The following SGSM2 variants were observed in gnomAD, a reference collection of about 807,000 sequenced individuals.
SGSM2 encodes the protein RUN and TBC1 domain containing 1.
SGSM2 carries 89 observed loss-of-function variants against 126.6 expected under a neutral mutation model. The ratio of observed to expected loss-of-function variants is 0.70; its 90% CI spans 0.59 to 0.84. SGSM2 has a LOEUF of 0.84. Among genes scored for constraint, SGSM2 ranks in the 40% least tolerant of loss-of-function variants. The pLI is 0.00. For missense variants in SGSM2, 1,404 were observed against 1,416.6 expected, an observed-to-expected ratio of 0.99 and a Z score of 0.14; for synonymous variants, 614 against 574.3, an observed-to-expected ratio of 1.07 and a Z score of -0.99.
intron 17 of SGSM2, 186 bp from the exon 18 acceptor site, chr17:2,375,306 G>T (rs892724297): frequency 1.3e-5 from 9 of 667,434 alleles, no homozygotes; most frequent in Non-Finnish European, 2.2e-5. Flanking sequence ...CCAGAGGCTT[G>T]TTTCTCTCCG....
At position 2,373,390 on chromosome 17, in the gene SGSM2, G is replaced by A. The variant is rs774189062; in HGVS notation, c.1977G>A (p.Glu659=). The A allele has an allele frequency of 2.0e-5, 33 of 1,612,874 alleles. 1 individual carries two copies. In the Admixed American group the frequency reaches 2.2e-4, roughly 11 times the overall value. The change falls in exon 17 of 24, where the codon GAG becomes GAA. Residue 659 remains glutamate, a synonymous_variant. Coordinates refer to ENST00000268989, the MANE Select transcript of SGSM2 (RefSeq NM_014853.3). ...QQVLAEWKAC[E]VVVRQREREA... ...TGTTGGCAGAGTGGAAGGCCTGCGA[G>A]GTGGTGGTGAGGCAGCGGGAGCGGG...
intron 2 of SGSM2, among the ~76,000 whole-genome samples, chr17:2,360,130 G>T (rs1257077818): frequency 1.3e-5 from 2 of 152,154 alleles, no homozygotes; most frequent in African/African-American, 2.4e-5. Flanking sequence ...ATCACTTGAG[G>T]TCAGGAGTTC....
intron 9 of SGSM2, 28 bp downstream of exon 9, chr17:2,364,691 T>G (rs1054333107): frequency 1.2e-6 from 2 of 1,613,394 alleles, no homozygotes; most frequent in Middle Eastern, 1.6e-4. Flanking sequence ...TCGGCTCGGG[T>G]GGGAAGGGAG....
chr17:2,379,724 A>T lies in SGSM2; in HGVS notation c.*204A>T. Reference sequence around the variant, plus strand: ...AGGATGCCCTCGGATCAGGGCCGGGATGGGAGGGGTCAGCCTCAGGGAGCA... The same window carrying T: ...AGGATGCCCTCGGATCAGGGCCGGGTTGGGAGGGGTCAGCCTCAGGGAGCA... On this transcript the variant is annotated 3_prime_UTR_variant, in exon 24 of 24. Transcript: ENST00000268989. 7.1e-7 allele frequency: 1 copy of T among 1,409,116 alleles called. No individual in the cohort carries two copies. The highest frequency in any genetic ancestry group is 9.3e-7 in the Non-Finnish European group (1 of 1,080,856). The allele number at this position is 1,409,116 out of a possible 1,614,324, so 87.3% of individuals were successfully genotyped here. A position where few individuals can be genotyped will look rare whatever the true frequency, so the allele number is the denominator to read the frequency against.
At chr17:2,340,775 G>A (rs370975336) in intron 1 of SGSM2, among the ~76,000 whole-genome samples, 99 of 151,752 alleles carry the variant, frequency 6.5e-4, no homozygotes, top group East Asian at 3.1e-3. Flanking sequence ...TAGTAGAGAC[G>A]GGGTTTCACC....
intron 1 of SGSM2, among the ~76,000 whole-genome samples, chr17:2,340,589 CTT>C (rs1394935973): frequency 5.6e-5 from 8 of 141,806 alleles, no homozygotes; most frequent in Non-Finnish European, 4.7e-5. Context: ...TGTTTGATTT[CTT>C]TTTTTTTTTT....
Position 2,372,746 on chromosome 17 carries a change from G to T in SGSM2, c.1789-207G>T. On this transcript the variant is annotated intron_variant, in intron 15 of 23. Coordinates refer to ENST00000268989, the MANE Select transcript of SGSM2 (RefSeq NM_014853.3). The surrounding 1 kb of genome is among the most constrained non-coding windows in gnomAD (Gnocchi z 6.0). Reference sequence around the variant, plus strand: ...TGCCTCTCTCCGGGCGCCATTTCCTGCCCCTTAAGGAAGGAGAGCAGAACG... The same window carrying T: ...TGCCTCTCTCCGGGCGCCATTTCCTTCCCCTTAAGGAAGGAGAGCAGAACG... 1.2e-6 allele frequency: 1 copy of T among 829,456 alleles called. No homozygotes were observed. The highest frequency in any genetic ancestry group is 1.8e-6 in the Non-Finnish European group (1 of 540,902). The allele number at this position is 829,456 out of a possible 1,614,324, so 51.4% of individuals were successfully genotyped here.
At position 2,379,482 on chromosome 17, in the gene SGSM2, C is replaced by G; in HGVS notation, c.3118C>G (p.Leu1040Val). The change falls in exon 24 of 24, where the codon CTC becomes GTC. Residue 1040 changes from leucine (L) to valine (V), a missense_variant. Coordinates refer to ENST00000268989, the MANE Select transcript of SGSM2 (RefSeq NM_014853.3). The stretch of plus-strand genomic sequence containing the variant: ...GGAGATCCTGCGGATTGCCCGGGAC[C>G]TCGTCCACAAGGTGCAGATGCTCAT... ...AQEILRIARD[L>V]VHKVQMLIEN... 1.2e-6 allele frequency: 2 copies of G among 1,613,696 alleles called. No individual in the cohort carries two copies. Among genetic ancestry groups the G allele is most frequent in the Non-Finnish European group, 1.7e-6 (2 of 1,179,794 alleles).
chr17:2,371,036 C>T (rs559727951), intron 12 of SGSM2, among the ~76,000 whole-genome samples: 5 of 152,326 alleles, frequency 3.3e-5, no homozygotes, highest in East Asian at 3.9e-4. Context: ...TGCAGAAGGA[C>T]GCCTTGCGCC....
chr17:2,375,940 G>A (rs943704727), intron 18 of SGSM2, 65 bp downstream of exon 18: 16 of 1,511,600 alleles, frequency 1.1e-5, no homozygotes, highest in Admixed American at 6.5e-5. Flanking sequence ...CCCAGAGCTG[G>A]GGAAGCGCTG....
In SGSM2 at chr17:2,372,323, C is replaced by T; in HGVS notation, c.1643-20C>T. ...GGCCCTGGGTCCCAGCCTCCTGCTG[C>T]CCACCGCTGCCCACCGCAGGGCTGG... On this transcript the variant is annotated intron_variant, in intron 14 of 23. Coordinates refer to ENST00000268989, the MANE Select transcript of SGSM2 (RefSeq NM_014853.3). This position sits in a 1 kb window ranked among gnomAD's most constrained non-coding sequence, Gnocchi z 6.0. 12 of 1,602,708 alleles carry T rather than the reference C, an allele frequency of 7.5e-6. No individual in the cohort carries two copies. The highest frequency in any genetic ancestry group is 9.4e-6 in the Non-Finnish European group (11 of 1,174,894).
chr17:2,343,581 T>C lies in SGSM2; in HGVS notation c.94T>C (p.Phe32Leu). ...CATGGAGGAGGCTGTCACCAGGAAG[T>C]TTGTGCATGAAGACAGCAGCCACAT... ...QIMEEAVTRK[F>L]VHEDSSHIIA... The change falls in exon 2 of 24, where the codon TTT (phenylalanine) becomes CTT (leucine). Residue 32 changes from phenylalanine (F) to leucine (L), a missense_variant. Physicochemically the swap from Phe to Leu is conservative, Grantham distance 22. Coordinates refer to ENST00000268989, the MANE Select transcript of SGSM2 (RefSeq NM_014853.3). 6.2e-7 allele frequency: 1 copy of C among 1,614,110 alleles called. No homozygotes were observed. Among genetic ancestry groups the C allele is most frequent in the Non-Finnish European group, 8.5e-7 (1 of 1,180,010 alleles).
At chr17:2,345,772 G>A (rs1024342263) in intron 2 of SGSM2, among the ~76,000 whole-genome samples, 7 of 152,118 alleles carry the variant, frequency 4.6e-5, no homozygotes, top group African/African-American at 9.6e-5. Flanking sequence ...CAACAGTATC[G>A]GGCTAAGTCA....
chr17:2,358,872 TG>T (rs1297080026), intron 2 of SGSM2, among the ~76,000 whole-genome samples: 890 of 87,666 alleles, frequency 0.01, 14 homozygotes, highest in African/African-American at 0.04. Flanking sequence ...TTGTTGTTGT[TG>T]TTTTTTTTTT....
intron 3 of SGSM2, 100 bp downstream of exon 3, chr17:2,361,899 T>TGCAAGGAACAGGCCCA: frequency 6.9e-7 from 1 of 1,444,824 alleles, no homozygotes; most frequent in Non-Finnish European, 9.3e-7. Context: ...ATCCTGGGCC[T>TGCAAGGAACAGGCCCA]GTTCCTTGCA....
chr17:2,344,563 G>A (rs558235345), intron 2 of SGSM2, among the ~76,000 whole-genome samples: 1 of 152,306 alleles, frequency 6.6e-6, no homozygotes, highest in Non-Finnish European at 1.5e-5. Context: ...GCCAGACACC[G>A]TTCACCGTGC....
At position 2,378,002 on chromosome 17, in the gene SGSM2, T is replaced by C. The variant is rs765072630; in HGVS notation, c.2899+49T>C. On this transcript the variant is annotated intron_variant, in intron 22 of 23. Transcript: ENST00000268989. Reference sequence around the variant, plus strand: ...GGCTGAGGTCAGGGACAGTGAGAGATCCCTCTTCCCCCAAGCCAACAGTTC... The same window carrying C: ...GGCTGAGGTCAGGGACAGTGAGAGACCCCTCTTCCCCCAAGCCAACAGTTC... 5.1e-6 allele frequency: 6 copies of C among 1,181,866 alleles called. No homozygotes were observed. In the African/African-American group the frequency reaches 6.0e-5, roughly 12 times the overall value. 73.2% of individuals were successfully genotyped at this position (1,181,866 alleles called of 1,614,324 possible). A position where few individuals can be genotyped will look rare whatever the true frequency, so the allele number is the denominator to read the frequency against.
At position 2,365,049 on chromosome 17, in the gene SGSM2, C is replaced by G; in HGVS notation, c.1153C>G (p.Gln385Glu). Residue 385 changes from glutamine to glutamate, a missense_variant, in exon 10 of 24, where the codon CAA becomes GAA. Coordinates refer to ENST00000268989, the MANE Select transcript of SGSM2 (RefSeq NM_014853.3). ...GCTAGAGCCCCCGCTGTGGACCCAG[C>G]AAGGGAAGGTAACTCGGGTGGGAGG... Reference protein sequence around the residue: ...GQLEPPLWTQQGKGKVFPKLR... With the variant: ...GQLEPPLWTQEGKGKVFPKLR... 1 of 1,612,446 alleles carries G rather than the reference C, an allele frequency of 6.2e-7. No homozygotes were observed. Among genetic ancestry groups the G allele is most frequent in the Non-Finnish European group, 8.5e-7 (1 of 1,179,448 alleles).
chr17:2,345,008 A>C (rs2064531905), intron 2 of SGSM2, among the ~76,000 whole-genome samples: 1 of 152,318 alleles, frequency 6.6e-6, no homozygotes, highest in Admixed American at 6.5e-5. Flanking sequence ...ACTTGAGTTC[A>C]TACCATGTCC....
Sources: allele counts gnomAD v4.1 joint callset (sites outside exome capture counted in the v4.1 genomes callset), GRCh38; gene constraint gnomAD v4.1.1; non-coding constraint Gnocchi (gnomAD v3.1); transcripts MANE v1.5; gene names NCBI Gene and HGNC (gene_info 2026-07-23, HGNC 2026-07-21).